The following GPHN variants were observed in gnomAD, a reference collection of about 807,000 sequenced individuals.
GPHN encodes the protein gephyrin.
Under a neutral mutation model 95.5 loss-of-function variants are expected in GPHN, and 17 were observed. The observed-to-expected ratio is 0.18, with a 90% CI of 0.12 to 0.27. The LOEUF is 0.27. GPHN is among the 10% of genes least tolerant of loss of function. The probability of loss-of-function intolerance (pLI) is 1.00; values close to 1 mark genes in which losing one functional copy is unlikely to be tolerated. For synonymous variants in GPHN, 320 were observed against 322.5 expected (o/e 0.99, Z 0.08); for missense variants, 660 against 978.1 (o/e 0.67, Z 4.34).
chr14:67,733,860 G>A, the GPHN span: 2 of 1,590,540 alleles, frequency 1.3e-6, no homozygotes, highest in South Asian at 1.1e-5. Flanking sequence ...TGGTGGAAGA[G>A]CTGCAGCTTT....
At chr14:67,296,536 C>G in the GPHN span, among the ~76,000 whole-genome samples, 2 of 132,036 alleles carry the variant, frequency 1.5e-5, no homozygotes, top group South Asian at 2.4e-4. Flanking sequence ...GAGCCAAGAT[C>G]GTGCCACTGC....
At chr14:66,559,485 GT>G (rs1364782041) in intron 1 of GPHN, among the ~76,000 whole-genome samples, 1 of 148,824 alleles carries the variant, frequency 6.7e-6, no homozygotes, top group Non-Finnish European at 1.5e-5. Flanking sequence ...TTCTCTGATG[GT>G]CAGTGATGAT....
At chr14:67,641,140 C>G in the GPHN span, among the ~76,000 whole-genome samples, 3 of 152,124 alleles carry the variant, frequency 2.0e-5, no homozygotes, top group African/African-American at 7.2e-5. Context: ...CCTTTGTTTT[C>G]TGATGGTTTA....
chr14:67,175,546 G>A (rs1007320599), intron 21 of GPHN, among the ~76,000 whole-genome samples: 1 of 152,162 alleles, frequency 6.6e-6, no homozygotes, highest in Non-Finnish European at 1.5e-5. Flanking sequence ...GCTTAGGATT[G>A]TCTTGGCACT....
chr14:66,830,038 C>T (rs1273701418), intron 4 of GPHN, among the ~76,000 whole-genome samples: 4 of 152,116 alleles, frequency 2.6e-5, no homozygotes, highest in Non-Finnish European at 5.9e-5. Flanking sequence ...CAAAGCTACA[C>T]TTATTTATGT....
chr14:67,616,062 G>A, the GPHN span: 2 of 300,140 alleles, frequency 6.7e-6, no homozygotes, highest in South Asian at 5.5e-5. Context: ...AGAGAATGAG[G>A]AGGAGGAAAA....
chr14:67,319,190 T>C, the GPHN span, among the ~76,000 whole-genome samples: 1 of 152,216 alleles, frequency 6.6e-6, no homozygotes, highest in African/African-American at 2.4e-5. Context: ...GTGCTGAGCA[T>C]TGACAAGCCT....
the GPHN span, chr14:67,649,396 G>GT: frequency 7.2e-5 from 11 of 152,230 alleles, no homozygotes; most frequent in African/African-American, 2.6e-4. Flanking sequence ...TACTTGGGAG[G>GT]TTGAGGCTGC....
intron 5 of GPHN, among the ~76,000 whole-genome samples, chr14:66,900,081 G>A (rs767223734): frequency 4.0e-5 from 6 of 151,608 alleles, no homozygotes; most frequent in Non-Finnish European, 8.8e-5. Flanking sequence ...TTATTTTCTC[G>A]TCTTGAGAGT....
At chr14:66,955,676 A>G (rs1038128342) in intron 8 of GPHN, among the ~76,000 whole-genome samples, 2 of 151,982 alleles carry the variant, frequency 1.3e-5, no homozygotes, top group Admixed American at 1.3e-4. Context: ...CATTAGGTAT[A>G]TATATCTCCT....
the GPHN span, among the ~76,000 whole-genome samples, chr14:67,315,021 T>C: frequency 6.6e-6 from 1 of 152,104 alleles, no homozygotes; most frequent in African/African-American, 2.4e-5. Context: ...GGTGGAAGGA[T>C]TGCATGAGGC....
the GPHN span, chr14:67,580,901 A>G: frequency 2.1e-5 from 29 of 1,376,680 alleles, no homozygotes; most frequent in African/African-American, 2.8e-4. Context: ...TCTCCTTATC[A>G]GGAAATTTTC....
At chr14:67,078,731 T>A (rs1306941031) in intron 11 of GPHN, among the ~76,000 whole-genome samples, 4 of 152,162 alleles carry the variant, frequency 2.6e-5, no homozygotes, top group Admixed American at 2.6e-4. Flanking sequence ...TCCTAAACTT[T>A]AATGAGAGAT....
the GPHN span, chr14:67,569,043 C>A: frequency 1.2e-6 from 1 of 805,590 alleles, no homozygotes; most frequent in Non-Finnish European, 2.0e-6. Context: ...ACAGGTCTGC[C>A]CACCCCCAAA....
chr14:67,491,443 C>T, the GPHN span, among the ~76,000 whole-genome samples: 1 of 152,184 alleles, frequency 6.6e-6, no homozygotes, highest in Admixed American at 6.5e-5. Flanking sequence ...TGTCTAGCCC[C>T]TCCACCACCC....
intron 11 of GPHN, among the ~76,000 whole-genome samples, chr14:67,085,900 C>T (rs1041048374): frequency 5.9e-5 from 9 of 152,168 alleles, no homozygotes; most frequent in African/African-American, 9.7e-5. Flanking sequence ...CACCACCATT[C>T]TACTTTCTAT....
chr14:67,323,261 G>GTGTGTGTATATATA, the GPHN span, among the ~76,000 whole-genome samples: 848 of 124,154 alleles, frequency 6.8e-3, 7 homozygotes, highest in Non-Finnish European at 9.4e-3. Context: ...GTGTGTGTGT[G>GTGTGTGTATATATA]TATATATATA....
At chr14:67,033,848 A>G (rs2074298832) in intron 10 of GPHN, among the ~76,000 whole-genome samples, 1 of 152,214 alleles carries the variant, frequency 6.6e-6, no homozygotes, top group African/African-American at 2.4e-5. Context: ...GTAACTCATC[A>G]TGTACAATGA....
chr14:67,554,661 A>G, the GPHN span, among the ~76,000 whole-genome samples: 1 of 152,202 alleles, frequency 6.6e-6, no homozygotes, highest in African/African-American at 2.4e-5. Context: ...TGGCAGGGGA[A>G]GAATGGGAGC....
Sources: allele counts gnomAD v4.1 joint callset (sites outside exome capture counted in the v4.1 genomes callset), GRCh38; gene constraint gnomAD v4.1.1; transcripts MANE v1.5; gene names NCBI Gene and HGNC (gene_info 2026-07-23, HGNC 2026-07-21).